DAW1: variants seen among roughly 807,000 people sequenced by gnomAD.
The protein encoded by DAW1 is dynein assembly factor with WD repeats 1.
DAW1 carries 47 observed loss-of-function variants against 56.5 expected under a neutral mutation model. The observed-to-expected ratio is 0.83, with a 90% CI of 0.66 to 1.06. DAW1 has a LOEUF of 1.06. Among genes scored for constraint, DAW1 ranks in the 50% least tolerant of loss-of-function variants. The pLI is 0.00. For synonymous variants in DAW1, 190 were observed against 179.0 expected, an observed-to-expected ratio of 1.06 and a Z score of -0.49; for missense variants, 505 against 499.3, an observed-to-expected ratio of 1.01 and a Z score of -0.11.
At chr2:227,908,626 C>G (rs1002021542) in intron 10 of DAW1, among the ~76,000 whole-genome samples, 1 of 152,204 alleles carries the variant, frequency 6.6e-6, no homozygotes, top group African/African-American at 2.4e-5. Context: ...ATGTCTGCAG[C>G]ATATTCCTGA....
intron 1 of DAW1, among the ~76,000 whole-genome samples, chr2:227,875,185 A>C (rs1240558092): frequency 6.6e-6 from 1 of 152,064 alleles, no homozygotes. Context: ...TCATCTCCAC[A>C]TCCACTAACA....
At chr2:227,907,778 C>T (rs189202309) in intron 10 of DAW1, among the ~76,000 whole-genome samples, 51 of 152,314 alleles carry the variant, frequency 3.3e-4, no homozygotes, top group East Asian at 1.5e-3. Context: ...GAACTCCTGA[C>T]CTCAGATGAT....
intron 4 of DAW1, among the ~76,000 whole-genome samples, 178 bp downstream of exon 4, chr2:227,891,491 C>T (rs941533678): frequency 6.6e-6 from 1 of 152,138 alleles, no homozygotes; most frequent in African/African-American, 2.4e-5. Flanking sequence ...AGTTTTCTGT[C>T]GTATTTGTGC....
chr2:227,907,517 A>G (rs1474027687), intron 10 of DAW1, among the ~76,000 whole-genome samples: 11 of 152,192 alleles, frequency 7.2e-5, no homozygotes, highest in African/African-American at 2.4e-4. Flanking sequence ...TCTGTATATG[A>G]TGCTATATTC....
intron 12 of DAW1, among the ~76,000 whole-genome samples, chr2:227,923,067 T>TGCCAG (rs1692146821): frequency 6.6e-6 from 1 of 152,246 alleles, no homozygotes; most frequent in South Asian, 2.1e-4. Flanking sequence ...CTTGCGTTGG[T>TGCCAG]GCCAGCACAT....
chr2:227,906,199 ATATC>A lies in DAW1; in HGVS notation c.756-35_756-32del, dbSNP rs1211570204. The A allele has an allele frequency of 2.0e-6, 3 of 1,530,934 alleles. No homozygotes were observed. In the African/African-American group the frequency reaches 4.1e-5, roughly 21 times the overall value. The allele number at this position is 1,530,934 out of a possible 1,614,324, so 94.8% of individuals were successfully genotyped here. A position where few individuals can be genotyped will look rare whatever the true frequency, so the allele number is the denominator to read the frequency against. On this transcript the variant is annotated intron_variant, in intron 8 of 12. Coordinates refer to ENST00000309931, the MANE Select transcript of DAW1 (RefSeq NM_178821.3). ...ATTCATGTGCATATACTGAAGTAAG[ATATC>A]TTTCACTAGTTTTAATTATTTTTGT...
intron 6 of DAW1, 101 bp downstream of exon 6, chr2:227,898,382 A>T: frequency 1.8e-6 from 1 of 541,772 alleles, no homozygotes; most frequent in Non-Finnish European, 2.5e-6. Flanking sequence ...GTGCAGTGGC[A>T]CAATCTTGGC....
intron 2 of DAW1, 95 bp from the exon 3 acceptor site, chr2:227,889,761 G>T: frequency 1.9e-6 from 2 of 1,033,964 alleles, no homozygotes; most frequent in Admixed American, 3.5e-5. Context: ...TTATAAATGT[G>T]CTTCATGAAG....
At position 227,894,550 on chromosome 2, in the gene DAW1, T is replaced by A. The variant is rs540266208; in HGVS notation, c.440+633T>A. ...TCCGACAGGCACTGCCTATTGATGTTCACAGCTCTGGGCTGGTGCCTCTGG... is the reference window on the plus strand; with the variant it reads ...TCCGACAGGCACTGCCTATTGATGTACACAGCTCTGGGCTGGTGCCTCTGG... On this transcript the variant is annotated intron_variant, in intron 5 of 12. Coordinates refer to ENST00000309931, the MANE Select transcript of DAW1 (RefSeq NM_178821.3). Among the ~76,000 whole-genome samples the A allele has an allele frequency of 3.3e-5, 5 of 152,348 alleles. No homozygotes were observed. In the South Asian group the frequency reaches 1.0e-3, roughly 32 times the overall value.
chr2:227,920,217 A>G (rs906258021), intron 11 of DAW1, among the ~76,000 whole-genome samples: 1 of 152,252 alleles, frequency 6.6e-6, no homozygotes, highest in African/African-American at 2.4e-5. Flanking sequence ...TTAAATGAAC[A>G]TATTACTTAT....
At chr2:227,880,084 A>G (rs569887898) in intron 1 of DAW1, among the ~76,000 whole-genome samples, 8 of 152,240 alleles carry the variant, frequency 5.3e-5, no homozygotes, top group Admixed American at 5.2e-4. Context: ...CGTTTATCAC[A>G]ATTTTCTTTT....
chr2:227,912,352 C>G (rs1231979908), intron 10 of DAW1: 1 of 1,304,354 alleles, frequency 7.7e-7, no homozygotes, highest in African/African-American at 1.5e-5. Context: ...CCTGCCTCAG[C>G]CGCCCGAGTT....
intron 1 of DAW1, among the ~76,000 whole-genome samples, chr2:227,878,775 C>T (rs1690944260): frequency 1.3e-5 from 2 of 149,896 alleles, no homozygotes; most frequent in African/African-American, 2.5e-5. Flanking sequence ...TTTCTATTTT[C>T]TTGTTTTTCT....
At chr2:227,913,917 GTCTA>G (rs1241864910) in intron 10 of DAW1, among the ~76,000 whole-genome samples, 6 of 117,974 alleles carry the variant, frequency 5.1e-5, no homozygotes, top group East Asian at 2.1e-4. Flanking sequence ...CTGTCTGTCT[GTCTA>G]TCTATCTTCA....
Position 227,923,937 on chromosome 2 carries a change from G to T in DAW1, c.1217G>T (p.Ser406Ile). Residue 406 changes from serine (S) to isoleucine (I), a missense_variant, in exon 13 of 13, where the codon AGC (serine) becomes ATC (isoleucine). Transcript: ENST00000309931. ...NYKGNIVITG[S>I]KDNTCRIWR ...TGCATGAAATCTGTTTTATTAGGCA[G>T]CAAGGATAATACCTGTAGGATATGG... 1 of 1,613,948 alleles carries T rather than the reference G, an allele frequency of 6.2e-7. No individual in the cohort carries two copies. The highest frequency in any genetic ancestry group is 1.1e-5 in the South Asian group (1 of 91,056).
At chr2:227,890,784 C>T (rs1691243427) in intron 3 of DAW1, among the ~76,000 whole-genome samples, 1 of 152,210 alleles carries the variant, frequency 6.6e-6, no homozygotes, top group Admixed American at 6.5e-5. Context: ...AGATGCTATT[C>T]ATAGTTACAT....
At chr2:227,916,369 A>G (rs186153998) in intron 10 of DAW1, among the ~76,000 whole-genome samples, 49 of 152,276 alleles carry the variant, frequency 3.2e-4, no homozygotes, top group Non-Finnish European at 5.0e-4. Context: ...GTGCCACACT[A>G]TATGTGCAAA....
At chr2:227,900,275 T>G (rs1049430095) in intron 6 of DAW1, among the ~76,000 whole-genome samples, 1 of 152,170 alleles carries the variant, frequency 6.6e-6, no homozygotes, top group Admixed American at 6.5e-5. Context: ...TGTGACCATT[T>G]TTGCACACTC....
intron 10 of DAW1, among the ~76,000 whole-genome samples, chr2:227,916,423 C>CTCTTTGGTA (rs1318069839): frequency 6.6e-6 from 1 of 152,068 alleles, no homozygotes; most frequent in Non-Finnish European, 1.5e-5. Context: ...ACTGCGTTGT[C>CTCTTTGGTA]TCTTTGGTAA....
Sources: gnomAD v4.1 joint callset for allele counts (sites outside exome capture counted in the v4.1 genomes callset) on GRCh38, gnomAD v4.1.1 for gene constraint, MANE v1.5 for transcripts, NCBI Gene and HGNC (gene_info 2026-07-23, HGNC 2026-07-21) for gene names.